The following PHF21A variants were observed in gnomAD, a reference collection of about 807,000 sequenced individuals.
PHF21A encodes the protein BHC80a.
PHF21A carries 11 observed loss-of-function variants against 82.5 expected under a neutral mutation model. That is an observed-to-expected ratio of 0.13 (90% CI 0.08 to 0.22). The LOEUF (loss-of-function observed/expected upper bound fraction) is 0.22. PHF21A is among the 10% of genes least tolerant of loss of function. The pLI is 1.00. For synonymous variants in PHF21A, 297 were observed against 302.8 expected (o/e 0.98, Z 0.20); for missense variants, 579 against 837.8 (o/e 0.69, Z 3.81).
At chr11:45,957,751 CAAAAA>C in intron 10 of PHF21A, among the ~76,000 whole-genome samples, 821 of 60,948 alleles carry the variant, frequency 0.013, 7 homozygotes, top group African/African-American at 0.047. Flanking sequence ...AAATTCAAAG[CAAAAA>C]AAAAAAAAAA....
At chr11:45,957,763 A>G (rs571154728) in intron 10 of PHF21A, among the ~76,000 whole-genome samples, 14 of 150,200 alleles carry the variant, frequency 9.3e-5, no homozygotes, top group East Asian at 1.9e-4. Flanking sequence ...AAAAAAAAAA[A>G]AAAAAAGAAA....
intron 1 of PHF21A, among the ~76,000 whole-genome samples, chr11:46,112,891 T>C (rs1271004348): frequency 6.6e-6 from 1 of 152,202 alleles, no homozygotes; most frequent in African/African-American, 2.4e-5. Flanking sequence ...ATCTGCTAAG[T>C]CAAGTTTTCA....
intron 6 of PHF21A, among the ~76,000 whole-genome samples, chr11:46,044,069 T>A (rs1341476033): frequency 6.6e-6 from 1 of 152,180 alleles, no homozygotes; most frequent in Admixed American, 6.6e-5. Context: ...AGAGGAGTAC[T>A]ACATTTGAGA....
chr11:46,011,491 C>CA lies in PHF21A; in HGVS notation c.154-31526dup, dbSNP rs1041852487. On this transcript the variant is annotated intron_variant, in intron 6 of 18. Coordinates refer to ENST00000676320, the MANE Select transcript of PHF21A (RefSeq NM_001352027.3). ...TGAGCGACAGTGCAAGATTCAGTCT[C>CA]AAAAAAAAAAAAGTGTTCAATGAAC... 1.2e-3 allele frequency among the ~76,000 whole-genome samples: 166 copies of CA among 138,712 alleles called. 1 individual carries two copies. The highest frequency in any genetic ancestry group is 1.8e-3 in the Non-Finnish European group (116 of 63,402). 91.0% of individuals were successfully genotyped at this position (138,712 alleles called of 152,430 possible).
At chr11:45,947,386 G>T (rs1299472975) in intron 14 of PHF21A, among the ~76,000 whole-genome samples, 1 of 152,148 alleles carries the variant, frequency 6.6e-6, no homozygotes, top group African/African-American at 2.4e-5. Context: ...TCATGACTTT[G>T]CCAACAGTTA....
intron 1 of PHF21A, among the ~76,000 whole-genome samples, chr11:46,110,788 A>ATTT (rs201509628): frequency 2.8e-5 from 4 of 145,110 alleles, no homozygotes; most frequent in Non-Finnish European, 4.6e-5. Context: ...CATATTAACA[A>ATTT]TTTTTTTTTT....
intron 6 of PHF21A, among the ~76,000 whole-genome samples, chr11:45,997,082 A>G (rs1285090381): frequency 2.6e-5 from 4 of 152,220 alleles, no homozygotes; most frequent in African/African-American, 4.8e-5. Flanking sequence ...TTGAAAATTA[A>G]TAAGACGCTT....
intron 9 of PHF21A, 75 bp from the exon 10 acceptor site, chr11:45,965,683 CTATG>C: frequency 8.9e-7 from 1 of 1,126,496 alleles, no homozygotes. Context: ...CTTCCACACT[CTATG>C]TATGAAATGG....
At chr11:46,077,459 C>CA (rs2096740186) in intron 5 of PHF21A, among the ~76,000 whole-genome samples, 1 of 152,102 alleles carries the variant, frequency 6.6e-6, no homozygotes, top group African/African-American at 2.4e-5. Flanking sequence ...CTAAAGTAGG[C>CA]AAAAAATTCC....
intron 6 of PHF21A, among the ~76,000 whole-genome samples, chr11:46,030,830 C>CGT (rs71038879): frequency 0.35 from 49,599 of 141,868 alleles, 9,056 homozygotes; most frequent in Non-Finnish European, 0.44. Context: ...CGTGTGTGTG[C>CGT]GTGTGTGTGT....
At chr11:46,004,572 C>A (rs1222637702) in intron 6 of PHF21A, among the ~76,000 whole-genome samples, 3 of 152,128 alleles carry the variant, frequency 2.0e-5, no homozygotes, top group Non-Finnish European at 2.9e-5. Flanking sequence ...ATTCTCTATT[C>A]TTTTCTTCAA....
chr11:45,972,701 G>A lies in PHF21A; in HGVS notation c.361-1334C>T, dbSNP rs2093829035. On this transcript the variant is annotated intron_variant, in intron 7 of 18. Transcript: ENST00000676320. Reference sequence around the variant, plus strand: ...GGCCGATGCGGGTGGATTGCCTGAGGTCAGGAGTTCGAGACCAGCCTGGCC... The same window carrying A: ...GGCCGATGCGGGTGGATTGCCTGAGATCAGGAGTTCGAGACCAGCCTGGCC... Among the ~76,000 whole-genome samples the A allele has an allele frequency of 3.3e-5, 5 of 152,250 alleles. No homozygotes were observed. In the South Asian group the frequency reaches 1.0e-3, roughly 32 times the overall value.
intron 6 of PHF21A, among the ~76,000 whole-genome samples, chr11:46,024,416 T>C (rs1221188396): frequency 3.3e-5 from 5 of 152,148 alleles, no homozygotes; most frequent in Non-Finnish European, 7.3e-5. Context: ...ATGCTTTTAA[T>C]TGCTTTTTAT....
chr11:46,043,799 T>G (rs913788833), intron 6 of PHF21A, among the ~76,000 whole-genome samples: 5 of 152,280 alleles, frequency 3.3e-5, no homozygotes, highest in Non-Finnish European at 7.4e-5. Context: ...ATACCCACAT[T>G]GAAATGAATG....
chr11:45,963,302 C>G (rs1436849315), intron 10 of PHF21A, among the ~76,000 whole-genome samples: 2 of 151,598 alleles, frequency 1.3e-5, no homozygotes, highest in Non-Finnish European at 2.9e-5. Context: ...CACCTGTAAT[C>G]TCAGCTACTT....
intron 6 of PHF21A, among the ~76,000 whole-genome samples, chr11:46,024,355 A>G (rs186944384): frequency 8.4e-4 from 128 of 152,102 alleles, no homozygotes; most frequent in Non-Finnish European, 1.4e-3. Context: ...TCTCCCATGA[A>G]AGTGCTTTCT....
At chr11:45,999,811 A>G (rs954655396) in intron 6 of PHF21A, among the ~76,000 whole-genome samples, 2 of 152,216 alleles carry the variant, frequency 1.3e-5, no homozygotes, top group Non-Finnish European at 2.9e-5. Context: ...GAAATTCATC[A>G]TGTTTCATTT....
intron 1 of PHF21A, among the ~76,000 whole-genome samples, chr11:46,115,093 T>C (rs771403384): frequency 3.9e-5 from 6 of 152,188 alleles, no homozygotes; most frequent in Non-Finnish European, 7.3e-5. Context: ...TCAACTGAGA[T>C]ATTTTCACCA....
chr11:45,982,521 T>C (rs1005111649), intron 6 of PHF21A, among the ~76,000 whole-genome samples: 3 of 152,172 alleles, frequency 2.0e-5, no homozygotes, highest in African/African-American at 4.8e-5. Context: ...TTCTCCAATA[T>C]AAAAGGCAGA....
Sources: allele counts gnomAD v4.1 joint callset (sites outside exome capture counted in the v4.1 genomes callset), GRCh38; gene constraint gnomAD v4.1.1; transcripts MANE v1.5; gene names NCBI Gene and HGNC (gene_info 2026-07-23, HGNC 2026-07-21).